Variants in ESRP2 observed in about 807,000 individuals in gnomAD.
The protein encoded by ESRP2 is epithelial splicing regulatory protein 2.
In ESRP2, 48 loss-of-function variants were observed where a neutral mutation model predicts 78.6. The observed-to-expected ratio is 0.61, with a 90% CI of 0.48 to 0.78. The LOEUF (loss-of-function observed/expected upper bound fraction) is 0.78. Among genes scored for constraint, ESRP2 ranks in the 30% least tolerant of loss-of-function variants. The pLI, the probability that ESRP2 is intolerant of heterozygous loss-of-function variation, is 0.00. For synonymous variants in ESRP2, 383 were observed against 406.7 expected, an observed-to-expected ratio of 0.94 and a Z score of 0.70; for missense variants, 863 against 965.9, an observed-to-expected ratio of 0.89 and a Z score of 1.41.
Position 68,232,814 on chromosome 16 carries a change from A to G in ESRP2, c.657T>C (p.Ser219=), listed in dbSNP as rs199717180. The G allele has an allele frequency of 6.2e-7, 1 of 1,613,566 alleles. No homozygotes were observed. The highest frequency in any genetic ancestry group is 2.2e-5 in the East Asian group (1 of 44,884). The change falls in exon 6 of 15, where the codon AGT becomes AGC. Residue 219 remains serine, a splice_region_variant and synonymous_variant. Coordinates refer to ENST00000473183, the MANE Select transcript of ESRP2 (RefSeq NM_024939.3). This position sits in a 1 kb window ranked among gnomAD's most constrained non-coding sequence, Gnocchi z 5.2. ...VILHLLKEPS[S]QLFSKPEVIK... ...TCACCTCGGGCTTCGAAAACAATTG[A>G]CCTGAGAAAAGATGGCCTGGGGGTC...
In ESRP2 at chr16:68,236,112, A is replaced by T. The variant is rs2151197480; in HGVS notation, c.-67T>A. On this transcript the variant is annotated 5_prime_UTR_variant, in exon 1 of 15. Transcript: ENST00000473183. This position sits in a 1 kb window ranked among gnomAD's most constrained non-coding sequence, Gnocchi z 5.2. ...ACGAGGCGCACGCACGCACCGACCG[A>T]CCGCAGACGCGGATCAGCTTGGGCG... 7.4e-7 allele frequency: 1 copy of T among 1,347,100 alleles called. No individual in the cohort carries two copies. Among genetic ancestry groups the T allele is most frequent in the East Asian group, 3.1e-5 (1 of 32,392 alleles). 83.4% of individuals were successfully genotyped at this position (1,347,100 alleles called of 1,614,324 possible).
At chr16:68,234,185 G>A in intron 2 of ESRP2, 78 bp from the exon 3 acceptor site, 1 of 1,138,926 alleles carries the variant, frequency 8.8e-7, no homozygotes, top group Non-Finnish European at 1.3e-6. Flanking sequence ...GGAGGAAGGA[G>A]GCAGGCTGCA....
chr16:68,235,803 C>T lies in ESRP2; in HGVS notation c.199-41G>A. 6.2e-7 allele frequency: 1 copy of T among 1,610,244 alleles called. No homozygotes were observed. The highest frequency in any genetic ancestry group is 1.1e-5 in the South Asian group (1 of 90,792). On this transcript the variant is annotated intron_variant, in intron 1 of 14. Coordinates refer to ENST00000473183, the MANE Select transcript of ESRP2 (RefSeq NM_024939.3). The surrounding 1 kb of genome is among the most constrained non-coding windows in gnomAD (Gnocchi z 5.5). ...GAAACCGATCAGCCGCGCCCCTCGA[C>T]CCCGGAAGCTCCCTGGGGACCTCAC...
rs1162077930 is a variant in ESRP2 at position 68,235,022 on chromosome 16, C to G, written c.327+612G>C. 1.7e-6 allele frequency: 1 copy of G among 584,596 alleles called. No individual in the cohort carries two copies. The highest frequency in any genetic ancestry group is 2.0e-5 in the African/African-American group (1 of 49,566). 36.2% of individuals were successfully genotyped at this position (584,596 alleles called of 1,614,324 possible). A position where few individuals can be genotyped will look rare whatever the true frequency, so the allele number is the denominator to read the frequency against. ...AGTGAAGATAAGGAAAAGAAAACAGCAATGGAAACCACCTCCCACTTCAGC... is the reference window on the plus strand; with the variant it reads ...AGTGAAGATAAGGAAAAGAAAACAGGAATGGAAACCACCTCCCACTTCAGC... On this transcript the variant is annotated intron_variant, in intron 2 of 14. Transcript: ENST00000473183. This position sits in a 1 kb window ranked among gnomAD's most constrained non-coding sequence, Gnocchi z 5.5.
At position 68,235,822 on chromosome 16, in the gene ESRP2, A is replaced by G. The variant is rs781252311; in HGVS notation, c.198+26T>C. 9.3e-6 allele frequency: 15 copies of G among 1,610,396 alleles called. 1 individual carries two copies. The highest frequency in any genetic ancestry group is 1.7e-5 in the Admixed American group (1 of 59,820). ...CCTCGACCCCGGAAGCTCCCTGGGG[A>G]CCTCACCGCCTCTTTTCCACCCTAC... On this transcript the variant is annotated intron_variant, in intron 1 of 14. Transcript: ENST00000473183. The surrounding 1 kb of genome is among the most constrained non-coding windows in gnomAD (Gnocchi z 5.5).
chr16:68,233,637 C>T, intron 4 of ESRP2, 131 bp downstream of exon 4: 1 of 767,096 alleles, frequency 1.3e-6, no homozygotes, highest in East Asian at 2.5e-5. Context: ...CACGAAGACA[C>T]AGTACACTCA....
rs2042205472 is a variant in ESRP2, at chr16:68,235,120, C to CACG, written c.327+511_327+513dup. The CACG allele has an allele frequency of 1.0e-6, 1 of 991,286 alleles. No individual in the cohort carries two copies. The highest frequency in any genetic ancestry group is 5.7e-5 in the Admixed American group (1 of 17,434). 61.4% of individuals were successfully genotyped at this position (991,286 alleles called of 1,614,324 possible). A position where few individuals can be genotyped will look rare whatever the true frequency, so the allele number is the denominator to read the frequency against. ...CCCCAGGCCAGGCCGGGACAGCGCCCACGCCTGGCCAGCCGGCCGGGACAG... is the reference window on the plus strand; with the variant it reads ...CCCCAGGCCAGGCCGGGACAGCGCCCACGACGCCTGGCCAGCCGGCCGGGACAG... On this transcript the variant is annotated intron_variant, in intron 2 of 14. Transcript: ENST00000473183. This position sits in a 1 kb window ranked among gnomAD's most constrained non-coding sequence, Gnocchi z 5.5.
chr16:68,232,150 ACT>A lies in ESRP2; in HGVS notation c.998-49_998-48del, dbSNP rs759265580. 2.0e-5 allele frequency: 32 copies of A among 1,611,708 alleles called. No homozygotes were observed. Among genetic ancestry groups the A allele is most frequent in the Middle Eastern group, 1.6e-4 (1 of 6,076 alleles). ...TGACTTCACTCATGCTCCTCCAGACACTCACCCATGCAGGGGAGCAGGCAGGC... is the reference window on the plus strand; with the variant it reads ...TGACTTCACTCATGCTCCTCCAGACACACCCATGCAGGGGAGCAGGCAGGC... On this transcript the variant is annotated intron_variant, in intron 9 of 14. Transcript: ENST00000473183. This position sits in a 1 kb window ranked among gnomAD's most constrained non-coding sequence, Gnocchi z 5.2.
In ESRP2 at chr16:68,232,694, G is replaced by A; in HGVS notation, c.711-7C>T. The A allele has an allele frequency of 6.2e-7, 1 of 1,614,194 alleles. No homozygotes were observed. On this transcript the variant is annotated splice_polypyrimidine_tract_variant and splice_region_variant and intron_variant, in intron 6 of 14. Coordinates refer to ENST00000473183, the MANE Select transcript of ESRP2 (RefSeq NM_024939.3). This position sits in a 1 kb window ranked among gnomAD's most constrained non-coding sequence, Gnocchi z 5.2. Reference sequence around the variant, plus strand: ...CACCACATCAGCCTTGCTGCTGTAGGGGCAGGGCACAGTGCTGTCAGAGCT... The same window carrying A: ...CACCACATCAGCCTTGCTGCTGTAGAGGCAGGGCACAGTGCTGTCAGAGCT...
chr16:68,230,429 G>A lies in ESRP2; in HGVS notation c.2024C>T (p.Ala675Val), dbSNP rs71393986. The A allele has an allele frequency of 6.2e-7, 1 of 1,613,148 alleles. No homozygotes were observed. Among genetic ancestry groups the A allele is most frequent in the African/African-American group, 1.3e-5 (1 of 74,924 alleles). Residue 675 changes from alanine to valine, a missense_variant, in exon 14 of 15, where the codon GCT becomes GTT. By Grantham distance (64) the Ala-to-Val change is moderately conservative. Transcript: ENST00000473183. ...LVRMQGVPYT[A>V]GMKDLLSVFQ... The stretch of plus-strand genomic sequence containing the variant: ...GACGCTGAGCAGATCCTTCATACCA[G>A]CCGTGTATGGGACACCCTGCATGCG...
In ESRP2 at chr16:68,233,874, C is replaced by T. The variant is rs764383209; in HGVS notation, c.450G>A (p.Val150=). The stretch of plus-strand genomic sequence containing the variant: ...AGAAGGAGAAGAACATGTCGGGGAG[C>T]ACCAGGTTCTGGGGGCACATAGGAT... ...LHPEASRKNL[V]LPDMFFSFYD... is the part of the protein sequence containing the mutation. Residue 150 remains valine (V), a synonymous_variant, in exon 4 of 15, where the codon GTG becomes GTA. Transcript: ENST00000473183. 38 of 1,613,938 alleles carry T rather than the reference C, an allele frequency of 2.4e-5. No homozygotes were observed. Among genetic ancestry groups the T allele is most frequent in the Non-Finnish European group, 3.1e-5 (37 of 1,179,886 alleles).
chr16:68,235,572 G>A lies in ESRP2; in HGVS notation c.327+62C>T. ...GGCACGCCAGGCCTAGCCTCCGGCC[G>A]CCAATCCCGCCCAGAAATGTCCTCA... On this transcript the variant is annotated intron_variant, in intron 2 of 14. Transcript: ENST00000473183. The surrounding 1 kb of genome is among the most constrained non-coding windows in gnomAD (Gnocchi z 5.5). 2 of 1,584,426 alleles carry A rather than the reference G, an allele frequency of 1.3e-6. No individual in the cohort carries two copies. Among genetic ancestry groups the A allele is most frequent in the Non-Finnish European group, 1.7e-6 (2 of 1,174,150 alleles).
In ESRP2 at chr16:68,234,029, A is replaced by AT; in HGVS notation, c.405dup (p.Leu136IlefsTer25). 6.2e-7 allele frequency: 1 copy of AT among 1,614,084 alleles called. No individual in the cohort carries two copies. Among genetic ancestry groups the AT allele is most frequent in the Non-Finnish European group, 8.5e-7 (1 of 1,179,996 alleles). On this transcript the variant is annotated frameshift_variant, in exon 3 of 15. Coordinates refer to ENST00000473183, the MANE Select transcript of ESRP2 (RefSeq NM_024939.3). LOFTEE classifies it high-confidence loss of function. The stretch of plus-strand genomic sequence containing the variant: ...GCCTCGGGGTGCAGGACCTGTCGCA[A>AT]TAGCTGCTGCCCATCAGTGCAGAGC...
At position 68,235,721 on chromosome 16, in the gene ESRP2, G is replaced by A. The variant is rs772313973; in HGVS notation, c.240C>T (p.Ala80=). ...CCTCGCGGCACTGCGTACTCAGTGCGGCCGCCTCGGCACGAACCAGCGATT... is the reference window on the plus strand; with the variant it reads ...CCTCGCGGCACTGCGTACTCAGTGCAGCCGCCTCGGCACGAACCAGCGATT... ...LHKSLVRAEA[A]ALSTQCREAS... Residue 80 remains alanine, a synonymous_variant, in exon 2 of 15, where the codon GCC becomes GCT. Coordinates refer to ENST00000473183, the MANE Select transcript of ESRP2 (RefSeq NM_024939.3). The surrounding 1 kb of genome is among the most constrained non-coding windows in gnomAD (Gnocchi z 5.5). The A allele has an allele frequency of 2.5e-6, 4 of 1,605,524 alleles. No individual in the cohort carries two copies. The African/African-American group carries it at 5.3e-5, about 21-fold the overall frequency.
At position 68,235,531 on chromosome 16, in the gene ESRP2, T is replaced by G; in HGVS notation, c.327+103A>C. 3.3e-6 allele frequency: 5 copies of G among 1,509,684 alleles called. No homozygotes were observed. Among genetic ancestry groups the G allele is most frequent in the Non-Finnish European group, 4.4e-6 (5 of 1,137,300 alleles). 93.5% of individuals were successfully genotyped at this position (1,509,684 alleles called of 1,614,324 possible). Reference sequence around the variant, plus strand: ...CAAACAAGAGCCCAGTCCTGCCGCCTGGACCGGTTGGTTGCGGCACGCCAG... The same window carrying G: ...CAAACAAGAGCCCAGTCCTGCCGCCGGGACCGGTTGGTTGCGGCACGCCAG... On this transcript the variant is annotated intron_variant, in intron 2 of 14. Transcript: ENST00000473183. The surrounding 1 kb of genome is among the most constrained non-coding windows in gnomAD (Gnocchi z 5.5).
rs2042208269 is a variant in ESRP2, at chr16:68,235,272, C to A, written c.327+362G>T. On this transcript the variant is annotated intron_variant, in intron 2 of 14. Coordinates refer to ENST00000473183, the MANE Select transcript of ESRP2 (RefSeq NM_024939.3). This position sits in a 1 kb window ranked among gnomAD's most constrained non-coding sequence, Gnocchi z 5.5. ...GCAAGGACAGGTGACCTATATGGGC[C>A]CCTCGACCCCTTTCGCTTCCGGCTG... The A allele has an allele frequency of 3.0e-6, 3 of 985,344 alleles. No homozygotes were observed. In the South Asian group the frequency reaches 1.4e-4, roughly 46 times the overall value. 61.0% of individuals were successfully genotyped at this position (985,344 alleles called of 1,614,324 possible).
At chr16:68,233,162 G>A in intron 5 of ESRP2, 165 bp downstream of exon 5, 1 of 613,016 alleles carries the variant, frequency 1.6e-6, no homozygotes, top group African/African-American at 1.9e-5. Flanking sequence ...TTGTGCCACT[G>A]CACTCTAGCC....
In ESRP2 at chr16:68,234,089, C is replaced by T. The variant is rs200133479; in HGVS notation, c.346G>A (p.Gly116Arg). The stretch of plus-strand genomic sequence containing the variant: ...CCCCCGCCCAGCAAAGCCACATCCC[C>T]GTTCACCAGCTGTGAGAACTGGGGA... Reference protein sequence around the residue: ...VLQQFSQLVNGDVALLGGGPY... With the variant: ...VLQQFSQLVNRDVALLGGGPY... The change falls in exon 3 of 15, where the codon GGG (glycine) becomes AGG (arginine). Residue 116 changes from glycine (G) to arginine (R), a missense_variant. By Grantham distance (125) the Gly-to-Arg change is moderately radical. Coordinates refer to ENST00000473183, the MANE Select transcript of ESRP2 (RefSeq NM_024939.3). The T allele has an allele frequency of 2.1e-4, 346 of 1,612,294 alleles. 1 individual carries two copies. Among genetic ancestry groups the T allele is most frequent in the South Asian group, 3.2e-4 (29 of 90,760 alleles).
At chr16:68,230,361 G>T (rs367569599) in intron 14 of ESRP2, 28 bp downstream of exon 14, 2 of 1,614,090 alleles carry the variant, frequency 1.2e-6, no homozygotes, top group Non-Finnish European at 8.5e-7. Flanking sequence ...AGCCAGACCC[G>T]CCAGGCCCTC....
Sources: allele counts gnomAD v4.1 joint callset, GRCh38; gene constraint gnomAD v4.1.1; non-coding constraint Gnocchi (gnomAD v3.1); transcripts MANE v1.5; gene names NCBI Gene and HGNC (gene_info 2026-07-23, HGNC 2026-07-21).